Variants in LSG1 observed in about 807,000 individuals in gnomAD.
The protein encoded by LSG1 is large 60S subunit nuclear export GTPase 1, also known as large subunit GTPase 1 homolog.
LSG1 carries 55 observed loss-of-function variants against 82.6 expected under a neutral mutation model. The ratio of observed to expected loss-of-function variants is 0.67; its 90% CI spans 0.54 to 0.83. LSG1 has a LOEUF of 0.83. Among genes scored for constraint, LSG1 ranks in the 40% least tolerant of loss-of-function variants. LSG1 has a pLI of 0.00. For missense variants in LSG1, 809 were observed against 807.9 expected, an observed-to-expected ratio of 1.00 and a Z score of -0.02; for synonymous variants, 272 against 282.5, an observed-to-expected ratio of 0.96 and a Z score of 0.37.
chr3:194,665,760 C>A, intron 4 of LSG1, 117 bp from the exon 5 acceptor site: 1 of 588,876 alleles, frequency 1.7e-6, no homozygotes, highest in South Asian at 2.3e-5. Flanking sequence ...TATCCAGAGT[C>A]AAATTATTTT....
chr3:194,650,984 G>C lies in LSG1; in HGVS notation c.1316C>G (p.Pro439Arg). The stretch of plus-strand genomic sequence containing the variant: ...CACAAAAGATGGCATCACCAAGCCA[G>C]GACAGTCACACAGGCAGAGGCCAGG... ...VEPGLCLCDC[P>R]GLVMPSFVST... is the part of the protein sequence containing the mutation. The change falls in exon 10 of 14, where the codon CCT becomes CGT. Residue 439 changes from proline to arginine, a missense_variant. Coordinates refer to ENST00000265245, the MANE Select transcript of LSG1 (RefSeq NM_018385.3). 1.2e-6 allele frequency: 2 copies of C among 1,614,200 alleles called. No homozygotes were observed. The highest frequency in any genetic ancestry group is 8.5e-7 in the Non-Finnish European group (1 of 1,180,036).
rs58315241 is a variant in LSG1 at position 194,645,585 on chromosome 3, C to G, written c.1623+579G>C. The stretch of plus-strand genomic sequence containing the variant: ...ACACACACACAGACAGACACACACA[C>G]ACACACACACACACACACACACACA... On this transcript the variant is annotated intron_variant, in intron 12 of 13. Transcript: ENST00000265245. 7.9e-4 allele frequency among the ~76,000 whole-genome samples: 59 copies of G among 74,682 alleles called. 2 individuals are homozygous for G. Among genetic ancestry groups the G allele is most frequent in the African/African-American group, 1.9e-3 (34 of 18,344 alleles). 49.0% of individuals were successfully genotyped at this position (74,682 alleles called of 152,430 possible).
intron 5 of LSG1, among the ~76,000 whole-genome samples, chr3:194,662,093 G>A (rs12632410): frequency 0.65 from 98,985 of 152,042 alleles, 32,864 homozygotes; most frequent in East Asian, 0.87. Flanking sequence ...TGCCCCTGAC[G>A]CCCAAGAAAG....
At chr3:194,651,839 C>T (rs748771511) in intron 8 of LSG1, among the ~76,000 whole-genome samples, 12 of 152,160 alleles carry the variant, frequency 7.9e-5, no homozygotes, top group African/African-American at 1.9e-4. Flanking sequence ...CAACTTTCCC[C>T]GTGTTCCTAA....
chr3:194,669,610 T>C (rs1270429220), intron 2 of LSG1, among the ~76,000 whole-genome samples: 1 of 152,148 alleles, frequency 6.6e-6, no homozygotes, highest in African/African-American at 2.4e-5. Context: ...AAAGGTCTTA[T>C]CTCATCTGTC....
In LSG1 at chr3:194,646,251, G is replaced by A. The variant is rs938172697; in HGVS notation, c.1544-8C>T. The stretch of plus-strand genomic sequence containing the variant: ...TCATGAATCCTCGCATGTCTGTGGA[G>A]AGAAAAGAATTTTGCAAAATCTTAG... On this transcript the variant is annotated splice_region_variant and splice_polypyrimidine_tract_variant and intron_variant, in intron 11 of 13. Transcript: ENST00000265245. 5.6e-6 allele frequency: 9 copies of A among 1,607,012 alleles called. No homozygotes were observed. Among genetic ancestry groups the A allele is most frequent in the African/African-American group, 1.5e-5 (1 of 68,900 alleles).
At chr3:194,648,395 C>T (rs913345915) in intron 11 of LSG1, among the ~76,000 whole-genome samples, 26 of 152,154 alleles carry the variant, frequency 1.7e-4, no homozygotes, top group Non-Finnish European at 2.8e-4. Flanking sequence ...CCGCTTTCTT[C>T]TTGTTTGGGA....
chr3:194,672,069 A>C lies in LSG1; in HGVS notation c.94T>G (p.Ser32Ala). 6.2e-7 allele frequency: 1 copy of C among 1,612,006 alleles called. No homozygotes were observed. The part of the protein sequence containing the change: ...QRSRSHRHTD[S>A]WLHTSELNDG... ...GATGACATGGTCTGTCTTACCCAGGAGTCAGTGTGACGATGGCTTCGGCTC... is the reference window on the plus strand; with the variant it reads ...GATGACATGGTCTGTCTTACCCAGGCGTCAGTGTGACGATGGCTTCGGCTC... The change falls in exon 1 of 14, where the codon TCC (serine) becomes GCC (alanine). Residue 32 changes from serine (S) to alanine (A), a missense_variant. Transcript: ENST00000265245.
In LSG1 at chr3:194,667,942, A is replaced by AAAAAAAAAAAAAAAATAT. The variant is rs1416407494; in HGVS notation, c.227-1371_227-1370insATATTTTTTTTTTTTTTT. The stretch of plus-strand genomic sequence containing the variant: ...CCGTCTCAAAAAAAAAAAAAAAAAA[A>AAAAAAAAAAAAAAAATAT]ATATATATATATATATATATATATA... On this transcript the variant is annotated intron_variant, in intron 2 of 13. Coordinates refer to ENST00000265245, the MANE Select transcript of LSG1 (RefSeq NM_018385.3). 2.5e-4 allele frequency among the ~76,000 whole-genome samples: 22 copies of AAAAAAAAAAAAAAAATAT among 86,958 alleles called. 1 individual carries two copies. The highest frequency in any genetic ancestry group is 4.3e-4 in the African/African-American group (9 of 20,724). 57.0% of individuals were successfully genotyped at this position (86,958 alleles called of 152,430 possible). A position where few individuals can be genotyped will look rare whatever the true frequency, so the allele number is the denominator to read the frequency against.
chr3:194,645,535 G>GACACACACACAC (rs61447438), intron 12 of LSG1: 5 of 34,962 alleles, frequency 1.4e-4, no homozygotes, highest in East Asian at 1.8e-3. Flanking sequence ...CACACAGACA[G>GACACACACACAC]ACACACACAC....
At chr3:194,651,445 A>G in intron 8 of LSG1, 1 of 530,874 alleles carries the variant, frequency 1.9e-6, no homozygotes, top group South Asian at 2.2e-5. Context: ...TTTTAATATT[A>G]TATGTTTTGC....
chr3:194,643,576 T>C (rs1378719652), intron 13 of LSG1, among the ~76,000 whole-genome samples: 1 of 152,054 alleles, frequency 6.6e-6, no homozygotes, highest in African/African-American at 2.4e-5. Context: ...GAGGAGACAA[T>C]TAGAAACCTC....
In LSG1 at chr3:194,652,748, C is replaced by T; in HGVS notation, c.1154G>A (p.Gly385Glu). ...ELHTGRKVKD[G>E]QLTVGLVGYP... ...TCTTACCAGTCCGACCGTAAGTTGC[C>T]CATCTTTCACCTTTCTCCCAGTGTG... Residue 385 changes from glycine to glutamate, a missense_variant, in exon 8 of 14, where the codon GGG becomes GAG. Physicochemically the swap from Gly to Glu is moderately conservative, Grantham distance 98 (BLOSUM62 -2). Transcript: ENST00000265245. 6.2e-7 allele frequency: 1 copy of T among 1,613,158 alleles called. No homozygotes were observed. The highest frequency in any genetic ancestry group is 2.2e-5 in the East Asian group (1 of 44,838).
chr3:194,650,040 C>A (rs1420667124), intron 10 of LSG1, among the ~76,000 whole-genome samples: 1 of 152,162 alleles, frequency 6.6e-6, no homozygotes, highest in East Asian at 1.9e-4. Flanking sequence ...GTGCCTCAGC[C>A]TCCCGAGTAG....
At chr3:194,670,898 A>G (rs1242881406) in intron 1 of LSG1, among the ~76,000 whole-genome samples, 1 of 151,026 alleles carries the variant, frequency 6.6e-6, no homozygotes, top group African/African-American at 2.4e-5. Context: ...TGGGCAACAC[A>G]GCAAGACCCT....
At chr3:194,642,310 A>T (rs1718415325) in intron 13 of LSG1, 63 bp from the exon 14 acceptor site, 3 of 1,357,630 alleles carry the variant, frequency 2.2e-6, no homozygotes, top group Non-Finnish European at 3.0e-6. Flanking sequence ...GGATATGCAC[A>T]GTACTATTAG....
chr3:194,666,788 C>T (rs541450212), intron 2 of LSG1, among the ~76,000 whole-genome samples: 77 of 152,316 alleles, frequency 5.1e-4, no homozygotes, highest in African/African-American at 1.9e-3. Flanking sequence ...GACTGCCACA[C>T]AGTATTTCAT....
chr3:194,656,373 T>C (rs1330738425), intron 7 of LSG1, among the ~76,000 whole-genome samples: 1 of 151,982 alleles, frequency 6.6e-6, no homozygotes, highest in African/African-American at 2.4e-5. Context: ...AAGACATTTA[T>C]GCAGCCAAAA....
chr3:194,653,980 A>G lies in LSG1; in HGVS notation c.760-838T>C, dbSNP rs150895339. Among the ~76,000 whole-genome samples the G allele has an allele frequency of 3.4e-3, 524 of 152,362 alleles. 3 individuals carry two copies. Among genetic ancestry groups the G allele is most frequent in the African/African-American group, 0.012 (485 of 41,594 alleles). On this transcript the variant is annotated intron_variant, in intron 7 of 13. Transcript: ENST00000265245. ...ACTCTTGACAGTACGTTATTTTGCA[A>G]TGGGCTGCATGATAAAACAAAGCAT...
Sources: allele counts gnomAD v4.1 joint callset (sites outside exome capture counted in the v4.1 genomes callset), GRCh38; gene constraint gnomAD v4.1.1; transcripts MANE v1.5; gene names NCBI Gene and HGNC (gene_info 2026-07-23, HGNC 2026-07-21).